Variants in ELL2 observed in about 807,000 individuals in gnomAD.
ELL2 encodes the protein elongation factor for RNA polymerase II 2.
Under a neutral mutation model 72.8 loss-of-function variants are expected in ELL2, and 21 were observed. The ratio of observed to expected loss-of-function variants is 0.29; its 90% CI spans 0.20 to 0.42. The LOEUF (loss-of-function observed/expected upper bound fraction) is 0.42. Among genes scored for constraint, ELL2 ranks in the 10% least tolerant of loss-of-function variants. The pLI is 1.00. For missense variants in ELL2, 568 were observed against 772.8 expected (o/e 0.73, Z 3.14); for synonymous variants, 266 against 283.2 (o/e 0.94, Z 0.61).
At position 95,906,797 on chromosome 5, in the gene ELL2, A is replaced by G. The variant is rs1320364932; in HGVS notation, c.482-15T>C. ...CACTCTTTTCCCTAAAGTCCAGTGGAAATGACATTGTTACACATTTGTGGG... is the reference window on the plus strand; with the variant it reads ...CACTCTTTTCCCTAAAGTCCAGTGGGAATGACATTGTTACACATTTGTGGG... On this transcript the variant is annotated splice_polypyrimidine_tract_variant and intron_variant, in intron 4 of 11. Transcript: ENST00000237853. 6.3e-7 allele frequency: 1 copy of G among 1,598,040 alleles called. No individual in the cohort carries two copies. Among genetic ancestry groups the G allele is most frequent in the East Asian group, 2.2e-5 (1 of 44,450 alleles).
intron 2 of ELL2, among the ~76,000 whole-genome samples, chr5:95,933,778 C>T (rs1750679888): frequency 6.6e-6 from 1 of 151,136 alleles, no homozygotes; most frequent in Admixed American, 6.6e-5. Context: ...CTTAAATATT[C>T]TTGAAAGAGG....
intron 1 of ELL2, among the ~76,000 whole-genome samples, chr5:95,956,988 T>G (rs1179982002): frequency 6.6e-6 from 1 of 152,236 alleles, no homozygotes; most frequent in Non-Finnish European, 1.5e-5. Flanking sequence ...AGAATCCCAC[T>G]TAAAGGCATC....
At position 95,921,096 on chromosome 5, in the gene ELL2, A is replaced by G. The variant is rs1750062119; in HGVS notation, c.196-1551T>C. Reference sequence around the variant, plus strand: ...CTATAGGAAAGAACTGCAGTCACCAATTCCTGCCTTCCCTTCCTCCCAACC... The same window carrying G: ...CTATAGGAAAGAACTGCAGTCACCAGTTCCTGCCTTCCCTTCCTCCCAACC... On this transcript the variant is annotated intron_variant, in intron 2 of 11. Transcript: ENST00000237853. Among the ~76,000 whole-genome samples, 3 of 152,224 alleles carry G rather than the reference A, an allele frequency of 2.0e-5. No homozygotes were observed. The South Asian group carries it at 6.2e-4, about 31-fold the overall frequency.
chr5:95,952,263 T>C (rs1445723126), intron 1 of ELL2, among the ~76,000 whole-genome samples: 1 of 152,052 alleles, frequency 6.6e-6, no homozygotes, highest in Non-Finnish European at 1.5e-5. Flanking sequence ...TGAGTACGCA[T>C]GGACATAAAG....
chr5:95,889,078 A>ATACC lies in ELL2; in HGVS notation c.1806+4_1806+7dup. 6.2e-7 allele frequency: 1 copy of ATACC among 1,610,534 alleles called. No homozygotes were observed. The stretch of plus-strand genomic sequence containing the variant: ...ACAGGTCAGAAAATCAACAGTGATG[A>ATACC]TACCTACCTGCTTTATCTTCTGATA... On this transcript the variant is annotated splice_region_variant and intron_variant, in intron 11 of 11. Coordinates refer to ENST00000237853, the MANE Select transcript of ELL2 (RefSeq NM_012081.6).
At chr5:95,924,035 T>C (rs982081585) in intron 2 of ELL2, among the ~76,000 whole-genome samples, 2 of 151,860 alleles carry the variant, frequency 1.3e-5, no homozygotes, top group African/African-American at 2.4e-5. Flanking sequence ...TTAGGGCAGG[T>C]TGGTGAGAGG....
intron 2 of ELL2, among the ~76,000 whole-genome samples, chr5:95,930,712 G>A (rs1030384269): frequency 5.3e-5 from 8 of 152,208 alleles, no homozygotes; most frequent in Non-Finnish European, 7.3e-5. Flanking sequence ...ATGAGAGACT[G>A]GAATTGCTGA....
At chr5:95,904,262 C>T (rs972824075) in intron 5 of ELL2, among the ~76,000 whole-genome samples, 3 of 152,188 alleles carry the variant, frequency 2.0e-5, no homozygotes, top group African/African-American at 7.2e-5. Context: ...AAAACAGTGT[C>T]TGGTACACTG....
chr5:95,961,474 G>C, intron 1 of ELL2, 101 bp downstream of exon 1: 1 of 1,318,614 alleles, frequency 7.6e-7, no homozygotes, highest in Non-Finnish European at 9.8e-7. Context: ...GACGGTAGCA[G>C]CTGCCAGCCA....
intron 4 of ELL2, among the ~76,000 whole-genome samples, chr5:95,911,992 G>C (rs754393527): frequency 2.0e-5 from 3 of 152,156 alleles, no homozygotes; most frequent in Non-Finnish European, 2.9e-5. Flanking sequence ...TTAGGAGAGG[G>C]GAGGTATAAT....
intron 5 of ELL2, among the ~76,000 whole-genome samples, chr5:95,905,707 T>A (rs1229274018): frequency 6.6e-6 from 1 of 151,970 alleles, no homozygotes; most frequent in Non-Finnish European, 1.5e-5. Context: ...AAAATAGACT[T>A]GAAATGTTAC....
Position 95,898,377 on chromosome 5 carries a change from T to C in ELL2, c.1388A>G (p.Lys463Arg), listed in dbSNP as rs1748959903. ...ENHSMSHKKS[K>R]KKSKKHKEKD... ...TTCCTTATGTTTTTTAGACTTCTTT[T>C]TGGACTTTTTGTGAGACATTGAATG... is the stretch of plus-strand genomic sequence containing the variant. Residue 463 changes from lysine to arginine, a missense_variant, in exon 8 of 12, where the codon AAA becomes AGA. Lys to Arg is a conservative substitution (Grantham distance 26, BLOSUM62 2). This residue lies in a region of ELL2 where 511 missense variants were observed against 728.4 expected (regional missense o/e 0.70). Coordinates refer to ENST00000237853, the MANE Select transcript of ELL2 (RefSeq NM_012081.6). 6.2e-7 allele frequency: 1 copy of C among 1,613,480 alleles called. No homozygotes were observed. Among genetic ancestry groups the C allele is most frequent in the Non-Finnish European group, 8.5e-7 (1 of 1,179,868 alleles).
At chr5:95,914,913 T>C (rs1749727990) in intron 3 of ELL2, among the ~76,000 whole-genome samples, 1 of 152,130 alleles carries the variant, frequency 6.6e-6, no homozygotes, top group African/African-American at 2.4e-5. Flanking sequence ...ACCTAGAAGA[T>C]GGCTCTGTTT....
intron 9 of ELL2, among the ~76,000 whole-genome samples, chr5:95,893,846 T>C (rs1252271506): frequency 6.6e-6 from 1 of 152,244 alleles, no homozygotes; most frequent in Non-Finnish European, 1.5e-5. Context: ...AAATTGTGTT[T>C]ATTTAAATAA....
chr5:95,927,600 T>C lies in ELL2; in HGVS notation c.196-8055A>G, dbSNP rs534296073. On this transcript the variant is annotated intron_variant, in intron 2 of 11. Coordinates refer to ENST00000237853, the MANE Select transcript of ELL2 (RefSeq NM_012081.6). Reference sequence around the variant, plus strand: ...ACACACACACGTGTGTATATAGACATACACACACACGTGTGTATATAGACA... The same window carrying C: ...ACACACACACGTGTGTATATAGACACACACACACACGTGTGTATATAGACA... Among the ~76,000 whole-genome samples the C allele has an allele frequency of 5.7e-4, 13 of 22,610 alleles. 1 individual carries two copies. Among genetic ancestry groups the C allele is most frequent in the African/African-American group, 3.5e-3 (6 of 1,736 alleles). 14.8% of individuals were successfully genotyped at this position (22,610 alleles called of 152,430 possible).
chr5:95,928,541 T>G (rs559311758), intron 2 of ELL2, among the ~76,000 whole-genome samples: 20 of 152,350 alleles, frequency 1.3e-4, no homozygotes, highest in Admixed American at 1.3e-3. Flanking sequence ...GGCATCCTGA[T>G]GAGTGAAATT....
chr5:95,922,401 T>C (rs187398629), intron 2 of ELL2, among the ~76,000 whole-genome samples: 39 of 152,254 alleles, frequency 2.6e-4, no homozygotes, highest in African/African-American at 7.9e-4. Context: ...ACAGTTTTTT[T>C]CCCCCTATTT....
intron 4 of ELL2, among the ~76,000 whole-genome samples, chr5:95,909,238 C>G (rs183285111): frequency 6.6e-6 from 1 of 152,200 alleles, no homozygotes; most frequent in Non-Finnish European, 1.5e-5. Context: ...GGGCCCATTG[C>G]TAGACTGTCA....
chr5:95,908,505 C>A (rs971795367), intron 4 of ELL2, among the ~76,000 whole-genome samples: 26 of 152,294 alleles, frequency 1.7e-4, no homozygotes, highest in African/African-American at 5.8e-4. Context: ...GCAGTGGCTG[C>A]TTTGTCCACT....
Sources: gnomAD v4.1 joint callset for allele counts (sites outside exome capture counted in the v4.1 genomes callset) on GRCh38, gnomAD v4.1.1 for gene constraint, gnomAD v4.1.1 regional missense constraint, MANE v1.5 for transcripts, NCBI Gene and HGNC (gene_info 2026-07-23, HGNC 2026-07-21) for gene names.